The following SORCS3 variants were observed in gnomAD, a reference collection of about 807,000 sequenced individuals.
SORCS3 encodes the protein VPS10 domain-containing receptor SorCS3.
SORCS3 carries 57 observed loss-of-function variants against 146.3 expected under a neutral mutation model. The observed-to-expected ratio is 0.39, with a 90% confidence interval of 0.31 to 0.49. The LOEUF is 0.49. Among genes scored for constraint, SORCS3 ranks in the 20% least tolerant of loss-of-function variants. SORCS3 has a pLI of 0.92. For synonymous variants in SORCS3, 653 were observed against 618.5 expected (o/e 1.06, Z -0.83); for missense variants, 1,341 against 1,575.5 (o/e 0.85, Z 2.52).
chr10:105,004,000 C>CTTTTTTT (rs1226455197), intron 4 of SORCS3, among the ~76,000 whole-genome samples: 3 of 140,230 alleles, frequency 2.1e-5, no homozygotes, highest in African/African-American at 8.1e-5. Flanking sequence ...TCTTCTCTCT[C>CTTTTTTT]TTTTTTTTTT....
In SORCS3 at chr10:105,263,392, G is replaced by T. The variant is rs372341164; in HGVS notation, c.*18G>T. On this transcript the variant is annotated 3_prime_UTR_variant, in exon 27 of 27. Transcript: ENST00000369701. The stretch of plus-strand genomic sequence containing the variant: ...GTGTTTAATACCAGCAAGCCACGTG[G>T]TCAACCACCTTTCTGACTTTTTATT... 1.2e-6 allele frequency: 2 copies of T among 1,612,684 alleles called. No homozygotes were observed. Among genetic ancestry groups the T allele is most frequent in the Non-Finnish European group, 1.7e-6 (2 of 1,178,880 alleles).
At chr10:105,228,393 C>A (rs1230208239) in intron 20 of SORCS3, among the ~76,000 whole-genome samples, 3 of 150,908 alleles carry the variant, frequency 2.0e-5, no homozygotes, top group Admixed American at 6.6e-5. Context: ...TTCTCTCTTT[C>A]CTTCTGTTTC....
At chr10:104,871,405 A>G (rs1239622064) in intron 2 of SORCS3, among the ~76,000 whole-genome samples, 1 of 152,208 alleles carries the variant, frequency 6.6e-6, no homozygotes, top group East Asian at 1.9e-4. Context: ...TCAGTGGTGC[A>G]GTGTCCTTTT....
intron 4 of SORCS3, among the ~76,000 whole-genome samples, chr10:105,018,960 T>C (rs539681302): frequency 1.3e-5 from 2 of 152,328 alleles, no homozygotes; most frequent in East Asian, 1.9e-4. Flanking sequence ...CCTGTCACTA[T>C]CTTGGGACTT....
At chr10:104,658,281 T>G (rs1312155601) in intron 1 of SORCS3, among the ~76,000 whole-genome samples, 3 of 152,172 alleles carry the variant, frequency 2.0e-5, no homozygotes, top group Non-Finnish European at 2.9e-5. Context: ...CATCCATGTG[T>G]TTTTTTCAGG....
At position 104,842,794 on chromosome 10, in the gene SORCS3, C is replaced by T. The variant is rs369373222; in HGVS notation, c.630C>T (p.Val210=). The change falls in exon 2 of 27, where the codon GTC becomes GTT. Residue 210 remains valine (V), a splice_region_variant and synonymous_variant. Transcript: ENST00000369701. The part of the protein sequence containing the change: ...MVHWSGHNSS[V]ILILTKLYDF... ...CCCTTATCCCCAACCCCTTGCAGGT[C>T]ATACTTATCCTGACGAAGCTGTATG... 1 of 1,613,424 alleles carries T rather than the reference C, an allele frequency of 6.2e-7. No individual in the cohort carries two copies. Among genetic ancestry groups the T allele is most frequent in the African/African-American group, 1.3e-5 (1 of 74,864 alleles).
At chr10:105,023,731 T>C (rs934184439) in intron 4 of SORCS3, among the ~76,000 whole-genome samples, 3 of 151,836 alleles carry the variant, frequency 2.0e-5, no homozygotes, top group East Asian at 1.9e-4. Context: ...ATGGGTCCAA[T>C]AGAAACTTGT....
intron 7 of SORCS3, among the ~76,000 whole-genome samples, chr10:105,113,851 TTAATA>T (rs1358564404): frequency 6.6e-6 from 1 of 152,154 alleles, no homozygotes; most frequent in Non-Finnish European, 1.5e-5. Context: ...AGCCCTTGTT[TTAATA>T]GGGAAGAGTC....
intron 3 of SORCS3, among the ~76,000 whole-genome samples, chr10:104,956,415 A>G (rs2019490571): frequency 6.6e-6 from 1 of 152,178 alleles, no homozygotes; most frequent in African/African-American, 2.4e-5. Flanking sequence ...GTCCTTACAC[A>G]AACTGATTCT....
chr10:105,154,393 T>C (rs577944101), intron 9 of SORCS3, among the ~76,000 whole-genome samples: 4 of 152,332 alleles, frequency 2.6e-5, no homozygotes, highest in African/African-American at 9.6e-5. Context: ...GACCAACAGA[T>C]GACCATGCCA....
At chr10:105,235,413 C>T (rs1020608050) in intron 20 of SORCS3, among the ~76,000 whole-genome samples, 5 of 150,730 alleles carry the variant, frequency 3.3e-5, no homozygotes, top group Non-Finnish European at 7.4e-5. Flanking sequence ...CTATGAATCC[C>T]CCTGGAGTTT....
intron 1 of SORCS3, among the ~76,000 whole-genome samples, chr10:104,730,544 G>T (rs1054344380): frequency 6.6e-6 from 1 of 152,138 alleles, no homozygotes; most frequent in South Asian, 2.1e-4. Context: ...TCTACCTCCC[G>T]CTTTTCTCTC....
chr10:104,847,458 C>T (rs537238199), intron 2 of SORCS3, among the ~76,000 whole-genome samples: 4 of 152,180 alleles, frequency 2.6e-5, no homozygotes, highest in Non-Finnish European at 5.9e-5. Context: ...CAGCTTCTGC[C>T]TGTCCATCCT....
At chr10:105,235,183 G>C (rs528791505) in intron 20 of SORCS3, among the ~76,000 whole-genome samples, 1 of 152,018 alleles carries the variant, frequency 6.6e-6, no homozygotes, top group Non-Finnish European at 1.5e-5. Flanking sequence ...TTTACTTCCC[G>C]TAGCTTAGTT....
In SORCS3 at chr10:104,830,039, T is replaced by C. The variant is rs149601296; in HGVS notation, c.628-12753T>C. ...CATGTATTAGGTATTCGTCCTAATG[T>C]TCTCCTTTGCCTAGCCCCCCAACCC... is the stretch of plus-strand genomic sequence containing the variant. On this transcript the variant is annotated intron_variant, in intron 1 of 26. Coordinates refer to ENST00000369701, the MANE Select transcript of SORCS3 (RefSeq NM_014978.3). Among the ~76,000 whole-genome samples the C allele has an allele frequency of 4.7e-3, 722 of 152,242 alleles. 6 individuals are homozygous for C. The highest frequency in any genetic ancestry group is 7.6e-3 in the Non-Finnish European group (514 of 68,020).
chr10:105,246,906 G>A (rs1221993802), intron 21 of SORCS3, among the ~76,000 whole-genome samples: 1 of 152,136 alleles, frequency 6.6e-6, no homozygotes, highest in African/African-American at 2.4e-5. Flanking sequence ...GCTCTTCCTG[G>A]TACCACCTAC....
At chr10:105,032,775 G>A (rs2055278016) in intron 4 of SORCS3, among the ~76,000 whole-genome samples, 1 of 152,086 alleles carries the variant, frequency 6.6e-6, no homozygotes, top group Non-Finnish European at 1.5e-5. Context: ...TCTGAACCTG[G>A]AAAATAATTA....
chr10:104,759,915 TA>T (rs2017100422), intron 1 of SORCS3, among the ~76,000 whole-genome samples: 1 of 152,080 alleles, frequency 6.6e-6, no homozygotes, highest in Non-Finnish European at 1.5e-5. Flanking sequence ...GTGGACAGAA[TA>T]ATTTCAGATT....
chr10:104,836,250 G>T (rs2018066690), intron 1 of SORCS3, among the ~76,000 whole-genome samples: 1 of 152,118 alleles, frequency 6.6e-6, no homozygotes, highest in African/African-American at 2.4e-5. Flanking sequence ...CCCTGTCAGG[G>T]ACTTGGACTT....
Sources: allele counts gnomAD v4.1 joint callset (sites outside exome capture counted in the v4.1 genomes callset), GRCh38; gene constraint gnomAD v4.1.1; transcripts MANE v1.5; gene names NCBI Gene and HGNC (gene_info 2026-07-23, HGNC 2026-07-21).